Variants in ZZEF1 observed in about 807,000 individuals in gnomAD.
The protein encoded by ZZEF1 is zinc finger ZZ-type and EF-hand domain containing 1.
Under a neutral mutation model 342.8 loss-of-function variants are expected in ZZEF1, and 157 were observed. The observed-to-expected ratio is 0.46, with a 90% confidence interval of 0.40 to 0.52. The LOEUF is 0.52. ZZEF1 is among the 20% of genes least tolerant of loss of function. The pLI is 0.00. For missense variants in ZZEF1, 3,480 were observed against 3,725.6 expected (o/e 0.93, Z 1.72); for synonymous variants, 1,505 against 1,429.1 (o/e 1.05, Z -1.20).
At chr17:4,059,355 T>G (rs2057236954) in intron 30 of ZZEF1, 65 bp from the exon 31 acceptor site, 1 of 1,557,360 alleles carries the variant, frequency 6.4e-7, no homozygotes, top group African/African-American at 1.4e-5. Flanking sequence ...ATAATAATAA[T>G]GATTTCTTAC....
At chr17:4,107,753 T>C (rs1018209445) in intron 6 of ZZEF1, among the ~76,000 whole-genome samples, 6 of 152,098 alleles carry the variant, frequency 3.9e-5, no homozygotes, top group Non-Finnish European at 8.8e-5. Flanking sequence ...CAGTCACAAA[T>C]AAAGAAATAG....
In ZZEF1 at chr17:4,067,229, G is replaced by T. The variant is rs9891850; in HGVS notation, c.4089C>A (p.Gly1363=). Residue 1363 remains glycine, a synonymous_variant, in exon 27 of 55, where the codon GGC becomes GGA. Transcript: ENST00000381638. Reference sequence around the variant, plus strand: ...CAAACTCTTCACTCAGGGCTATTTTGCCCCCACTGTTGACTGGGGAGAGAA... The same window carrying T: ...CAAACTCTTCACTCAGGGCTATTTTTCCCCCACTGTTGACTGGGGAGAGAA... ...EKLQKYVNSG[G]KIALSEEFAQ... 24,437 of 1,612,664 alleles carry T rather than the reference G, an allele frequency of 0.015. 212 individuals are homozygous for T. Among genetic ancestry groups the T allele is most frequent in the Non-Finnish European group, 0.017 (20,266 of 1,179,256 alleles).
chr17:4,060,600 A>C (rs902973021), intron 30 of ZZEF1, among the ~76,000 whole-genome samples: 10 of 151,734 alleles, frequency 6.6e-5, no homozygotes, highest in African/African-American at 1.9e-4. Context: ...AACAAAAAAA[A>C]CACTCAACCC....
chr17:4,023,525 T>A (rs2056323508), intron 43 of ZZEF1, among the ~76,000 whole-genome samples: 2 of 151,918 alleles, frequency 1.3e-5, no homozygotes, highest in African/African-American at 4.8e-5. Context: ...CGTCATGAAC[T>A]AAAGAAACAG....
intron 54 of ZZEF1, 54 bp from the exon 55 acceptor site, chr17:4,007,024 T>G: frequency 1.4e-6 from 2 of 1,472,238 alleles, no homozygotes; most frequent in South Asian, 1.3e-5. Flanking sequence ...CCTCATTCAG[T>G]GAGTGCTGAT....
Position 4,013,543 on chromosome 17 carries a change from C to T in ZZEF1, c.8485G>A (p.Glu2829Lys), listed in dbSNP as rs1400915544. Residue 2829 changes from glutamate (E) to lysine (K), a missense_variant, in exon 52 of 55, where the codon GAA (glutamate) becomes AAA (lysine). By Grantham distance (56) the Glu-to-Lys change is moderately conservative. This residue lies in a region of ZZEF1 where 1,269 missense variants were observed against 1,342.4 expected (regional missense o/e 0.95). Coordinates refer to ENST00000381638, the MANE Select transcript of ZZEF1 (RefSeq NM_015113.4). ...VPHLPLAKIW[E>K]WLVGVACRQT... ...CGACAGGCCACGCCCACCAGCCATTCCCAAATTTTTGCCAATGGGAGATGA... is the reference window on the plus strand; with the variant it reads ...CGACAGGCCACGCCCACCAGCCATTTCCAAATTTTTGCCAATGGGAGATGA... The T allele has an allele frequency of 1.2e-6, 2 of 1,614,180 alleles. No homozygotes were observed. The highest frequency in any genetic ancestry group is 2.2e-5 in the South Asian group (2 of 91,066).
At chr17:4,025,467 A>G (rs2056381344) in intron 42 of ZZEF1, among the ~76,000 whole-genome samples, 1 of 152,196 alleles carries the variant, frequency 6.6e-6, no homozygotes, top group Non-Finnish European at 1.5e-5. Flanking sequence ...TGGGTGGATC[A>G]CTTGAGGTCA....
chr17:4,087,619 A>T (rs1291625686), intron 13 of ZZEF1, 85 bp from the exon 14 acceptor site: 1 of 1,208,692 alleles, frequency 8.3e-7, no homozygotes, highest in Admixed American at 2.5e-5. Context: ...TTCTAATTGT[A>T]AAGGGATGAG....
At chr17:4,122,650 G>A (rs543470004) in intron 2 of ZZEF1, among the ~76,000 whole-genome samples, 6 of 152,296 alleles carry the variant, frequency 3.9e-5, no homozygotes, top group African/African-American at 1.4e-4. Context: ...CTCCCCAAGT[G>A]CTGGGATTAC....
In ZZEF1 at chr17:4,045,167, GAT is replaced by G. The variant is rs1491351577; in HGVS notation, c.6016-795_6016-794del. On this transcript the variant is annotated intron_variant, in intron 37 of 54. Transcript: ENST00000381638. ...AGACTCTGTCTCAAAAAAAAAATAA[GAT>G]AGTAACCATTGCATCGCATCCCCCA... Among the ~76,000 whole-genome samples the G allele has an allele frequency of 3.0e-4, 36 of 119,586 alleles. 1 individual carries two copies. The highest frequency in any genetic ancestry group is 1.9e-3 in the Admixed American group (23 of 12,366). The allele number at this position is 119,586 out of a possible 152,430, so 78.5% of individuals were successfully genotyped here. A position where few individuals can be genotyped will look rare whatever the true frequency, so the allele number is the denominator to read the frequency against.
At chr17:4,024,135 T>G (rs1436425765) in intron 43 of ZZEF1, among the ~76,000 whole-genome samples, 1 of 150,438 alleles carries the variant, frequency 6.6e-6, no homozygotes, top group African/African-American at 2.5e-5. Flanking sequence ...CTCTCAGGTA[T>G]GGGAAATTCT....
chr17:4,102,771 C>A (rs1031094744), intron 8 of ZZEF1, among the ~76,000 whole-genome samples: 1 of 152,106 alleles, frequency 6.6e-6, no homozygotes, highest in Non-Finnish European at 1.5e-5. Context: ...AACTTTATTA[C>A]AATTGCATTT....
Position 4,016,253 on chromosome 17 carries a change from G to A in ZZEF1, c.8145+70C>T. The stretch of plus-strand genomic sequence containing the variant: ...CAGAGGGGCTGAGCATGGAGGGGCT[G>A]AGCACGGAGGGGCTGACGAGGTCTC... On this transcript the variant is annotated intron_variant, in intron 49 of 54. Coordinates refer to ENST00000381638, the MANE Select transcript of ZZEF1 (RefSeq NM_015113.4). The surrounding 1 kb of genome is among the most constrained non-coding windows in gnomAD (Gnocchi z 4.4). The A allele has an allele frequency of 6.5e-7, 1 of 1,537,268 alleles. No homozygotes were observed. Among genetic ancestry groups the A allele is most frequent in the South Asian group, 1.3e-5 (1 of 78,686 alleles).
At chr17:4,064,874 A>G in intron 28 of ZZEF1, 45 bp from the exon 29 acceptor site, 1 of 1,187,206 alleles carries the variant, frequency 8.4e-7, no homozygotes, top group Non-Finnish European at 1.2e-6. Context: ...AAAAGTTAAA[A>G]TTATGGGGGA....
At chr17:4,031,317 A>AAAATAAATAAATAAATAAAT (rs372245182) in intron 42 of ZZEF1, among the ~76,000 whole-genome samples, 4,950 of 143,402 alleles carry the variant, frequency 0.035, 114 homozygotes, top group Non-Finnish European at 0.046. Context: ...CTTGGTCTCA[A>AAAATAAATAAATAAATAAAT]AAATAAATAA....
At chr17:4,077,678 G>A (rs970848555) in intron 19 of ZZEF1, among the ~76,000 whole-genome samples, 13 of 152,042 alleles carry the variant, frequency 8.6e-5, no homozygotes, top group African/African-American at 2.9e-4. Context: ...AAATACTTAG[G>A]CATACCACCA....
rs539812711 is a variant in ZZEF1 at position 4,116,783 on chromosome 17, T to C, written c.694+189A>G. 3.5e-4 allele frequency among the ~76,000 whole-genome samples: 54 copies of C among 152,258 alleles called. No homozygotes were observed. In the South Asian group the frequency reaches 4.8e-3, roughly 13 times the overall value. On this transcript the variant is annotated intron_variant, in intron 3 of 54. Transcript: ENST00000381638. ...CTCAAAGTCACATCTGAGCAGAGAA[T>C]TGAATGATGAGAAACCAGCTGTGTT...
chr17:4,125,472 C>T (rs1213498580), intron 1 of ZZEF1, among the ~76,000 whole-genome samples: 1 of 152,110 alleles, frequency 6.6e-6, no homozygotes, highest in Non-Finnish European at 1.5e-5. Flanking sequence ...GTCCAAAAAC[C>T]ATGGGCATAA....
At chr17:4,033,906 A>G in intron 40 of ZZEF1, 109 bp downstream of exon 40, 1 of 1,419,592 alleles carries the variant, frequency 7.0e-7, no homozygotes, top group Non-Finnish European at 9.6e-7. Context: ...CTCAGACAAC[A>G]CAACTGTAGC....
Sources: gnomAD v4.1 joint callset for allele counts (sites outside exome capture counted in the v4.1 genomes callset) on GRCh38, gnomAD v4.1.1 for gene constraint, gnomAD v4.1.1 regional missense constraint, Gnocchi (gnomAD v3.1) non-coding constraint, MANE v1.5 for transcripts, NCBI Gene and HGNC (gene_info 2026-07-23, HGNC 2026-07-21) for gene names.